CCDC93: variants seen among roughly 807,000 people sequenced by gnomAD.
CCDC93 encodes CCC complex scaffolding subunit CCDC93, also known as coiled-coil domain-containing protein 93.
A neutral mutation model predicts 108.2 loss-of-function variants in CCDC93; 61 were observed. The ratio of observed to expected loss-of-function variants is 0.56; its 90% CI spans 0.46 to 0.70. The LOEUF (loss-of-function observed/expected upper bound fraction) is 0.70, where lower values mean the gene tolerates loss of function less well. Ranked by LOEUF, CCDC93 falls within the 30% of genes least tolerant of loss-of-function variation. CCDC93 has a pLI of 0.00. For missense variants in CCDC93, 685 were observed against 764.2 expected, an observed-to-expected ratio of 0.90 and a Z score of 1.22; for synonymous variants, 276 against 260.4, an observed-to-expected ratio of 1.06 and a Z score of -0.58.
chr2:117,981,011 T>C (rs1680101475), intron 7 of CCDC93, among the ~76,000 whole-genome samples: 1 of 152,212 alleles, frequency 6.6e-6, no homozygotes, highest in South Asian at 2.1e-4. Context: ...TCATCCAGGT[T>C]GAAGCATGAA....
At chr2:117,953,964 T>A (rs7606307) in intron 12 of CCDC93, among the ~76,000 whole-genome samples, 147,606 of 152,264 alleles carry the variant, frequency 0.97, 71,734 homozygotes, top group Middle Eastern at 1. Context: ...AAGCAGCAAC[T>A]AGGCATCATC....
intron 7 of CCDC93, among the ~76,000 whole-genome samples, chr2:117,983,541 G>A (rs1253592276): frequency 6.6e-6 from 1 of 151,902 alleles, no homozygotes; most frequent in Non-Finnish European, 1.5e-5. Context: ...AACTGTTGCT[G>A]CTAATAATGA....
intron 23 of CCDC93, among the ~76,000 whole-genome samples, chr2:117,922,351 G>A (rs1371268976): frequency 6.6e-6 from 1 of 152,130 alleles, no homozygotes; most frequent in African/African-American, 2.4e-5. Flanking sequence ...TTTGTTTCTA[G>A]AAGAAAAGGG....
intron 20 of CCDC93, among the ~76,000 whole-genome samples, chr2:117,938,771 T>A (rs997175382): frequency 2.6e-5 from 4 of 152,176 alleles, no homozygotes; most frequent in African/African-American, 9.7e-5. Context: ...AGAGCTTCCA[T>A]TGTGTTCCTT....
At chr2:117,966,084 A>C (rs1446074490) in intron 11 of CCDC93, among the ~76,000 whole-genome samples, 1 of 152,196 alleles carries the variant, frequency 6.6e-6, no homozygotes, top group Admixed American at 6.5e-5. Flanking sequence ...AACTTTGTTG[A>C]ATAAATTTCC....
chr2:117,931,216 C>A (rs1678316898), intron 22 of CCDC93, 66 bp from the exon 23 acceptor site: 6 of 1,034,504 alleles, frequency 5.8e-6, no homozygotes, highest in Admixed American at 1.8e-5. Flanking sequence ...CTGGCAACAT[C>A]CAAAAGGCAA....
chr2:117,994,815 GGA>G (rs959061808), intron 6 of CCDC93, among the ~76,000 whole-genome samples: 3 of 152,220 alleles, frequency 2.0e-5, no homozygotes, highest in African/African-American at 7.2e-5. Context: ...ATTATTTTCA[GGA>G]GAGAGAGACT....
intron 22 of CCDC93, 147 bp downstream of exon 22, chr2:117,935,348 C>T (rs547949487): frequency 1.3e-4 from 81 of 626,026 alleles, no homozygotes; most frequent in Non-Finnish European, 2.1e-4. Flanking sequence ...CAGAGTAAGA[C>T]GCATGGTGGG....
chr2:118,003,325 G>A (rs1676765200), intron 3 of CCDC93, among the ~76,000 whole-genome samples: 1 of 152,140 alleles, frequency 6.6e-6, no homozygotes, highest in South Asian at 2.1e-4. Flanking sequence ...GACTCTCATA[G>A]CTTATTTAAT....
chr2:117,985,168 A>G lies in CCDC93; in HGVS notation c.620+801T>C, dbSNP rs1038992250. Among the ~76,000 whole-genome samples, 10 of 152,136 alleles carry G rather than the reference A, an allele frequency of 6.6e-5. No homozygotes were observed. In the South Asian group the frequency reaches 2.1e-3, roughly 32 times the overall value. On this transcript the variant is annotated intron_variant, in intron 7 of 23. Coordinates refer to ENST00000376300, the MANE Select transcript of CCDC93 (RefSeq NM_019044.5). ...AAACAAAAAAAAAAAAACATAAGCA[A>G]TTGCATGCAATTCCATTTGGAAACT... is the stretch of plus-strand genomic sequence containing the variant.
Position 117,996,300 on chromosome 2 carries a change from A to G in CCDC93, c.426T>C (p.Ser142=). The change falls in exon 5 of 24, where the codon TCT becomes TCC. Residue 142 remains serine (S), a synonymous_variant. Coordinates refer to ENST00000376300, the MANE Select transcript of CCDC93 (RefSeq NM_019044.5). The part of the protein sequence containing the change: ...EEMGDYIRSY[S]VSQFQKTYSL... ...TGTAAGTCTTCTGGAACTGGGATAC[A>G]GAGTAGGAGCGGATATAGTCACCCA... 1.2e-6 allele frequency: 2 copies of G among 1,613,422 alleles called. No homozygotes were observed. The highest frequency in any genetic ancestry group is 1.7e-6 in the Non-Finnish European group (2 of 1,179,376).
intron 14 of CCDC93, 55 bp downstream of exon 14, chr2:117,949,267 A>G: frequency 8.3e-7 from 1 of 1,202,276 alleles, no homozygotes. Flanking sequence ...GCCAACAAGT[A>G]TCAGCAAAGT....
intron 3 of CCDC93, 43 bp from the exon 4 acceptor site, chr2:118,000,975 T>G (rs760441412): frequency 8.5e-7 from 1 of 1,172,134 alleles, no homozygotes; most frequent in South Asian, 1.2e-5. Flanking sequence ...GCATACTAAG[T>G]AGCCTTTATG....
intron 1 of CCDC93, among the ~76,000 whole-genome samples, chr2:118,011,864 C>T (rs993616987): frequency 1.3e-5 from 2 of 152,158 alleles, no homozygotes; most frequent in Admixed American, 1.3e-4. Flanking sequence ...TCCAAATTCA[C>T]TTAGCAGATT....
At chr2:117,985,924 G>T in intron 7 of CCDC93, 45 bp downstream of exon 7, 1 of 1,184,596 alleles carries the variant, frequency 8.4e-7, no homozygotes, top group Non-Finnish European at 1.2e-6. Flanking sequence ...ACTTAAATTA[G>T]CTTTTCTTTT....
At chr2:117,945,824 T>A (rs1678853542) in intron 16 of CCDC93, among the ~76,000 whole-genome samples, 1 of 152,228 alleles carries the variant, frequency 6.6e-6, no homozygotes, top group Non-Finnish European at 1.5e-5. Flanking sequence ...CGTATAGCTC[T>A]TTTTGAATGT....
At chr2:117,949,449 A>G in intron 13 of CCDC93, 54 bp from the exon 14 acceptor site, 1 of 1,226,886 alleles carries the variant, frequency 8.2e-7, no homozygotes, top group Non-Finnish European at 1.2e-6. Context: ...AGAGGTGAAC[A>G]ACTTCACCTT....
chr2:117,950,381 C>A, intron 13 of CCDC93: 2 of 985,434 alleles, frequency 2.0e-6, no homozygotes, highest in Non-Finnish European at 2.4e-6. Context: ...CAGCCTCACA[C>A]ACACGAAATT....
At position 117,944,094 on chromosome 2, in the gene CCDC93, T is replaced by C; in HGVS notation, c.1351-8A>G. On this transcript the variant is annotated splice_region_variant and splice_polypyrimidine_tract_variant and intron_variant, in intron 17 of 23. Transcript: ENST00000376300. The stretch of plus-strand genomic sequence containing the variant: ...CCGTCTGTCTAGGTCTTCCTAAAAA[T>C]TGGAAAAGGCTGTAATTATCTGGGA... 2 of 1,585,346 alleles carry C rather than the reference T, an allele frequency of 1.3e-6. No individual in the cohort carries two copies. Among genetic ancestry groups the C allele is most frequent in the Non-Finnish European group, 1.7e-6 (2 of 1,168,966 alleles).
Sources: allele counts gnomAD v4.1 joint callset (sites outside exome capture counted in the v4.1 genomes callset), GRCh38; gene constraint gnomAD v4.1.1; transcripts MANE v1.5; gene names NCBI Gene and HGNC (gene_info 2026-07-23, HGNC 2026-07-21).